The following FAM171A1 variants were observed in gnomAD, a reference collection of about 807,000 sequenced individuals.
The protein encoded by FAM171A1 is family with sequence similarity 171 member A1.
A neutral mutation model predicts 74.9 loss-of-function variants in FAM171A1; 23 were observed. The observed-to-expected ratio is 0.31, with a 90% CI of 0.22 to 0.44. The LOEUF (loss-of-function observed/expected upper bound fraction) is 0.44. Among genes scored for constraint, FAM171A1 ranks in the 20% least tolerant of loss-of-function variants. The pLI is 1.00. For synonymous variants in FAM171A1, 527 were observed against 505.7 expected (o/e 1.04, Z -0.57); for missense variants, 1,162 against 1,159.2 (o/e 1.00, Z -0.03).
chr10:15,256,007 C>T (rs756056611), intron 3 of FAM171A1, among the ~76,000 whole-genome samples: 1 of 152,026 alleles, frequency 6.6e-6, no homozygotes, highest in Non-Finnish European at 1.5e-5. Context: ...CGGTGATATT[C>T]ACCAGACGTA....
At position 15,221,060 on chromosome 10, in the gene FAM171A1, C is replaced by G. The variant is rs1564614113; in HGVS notation, c.755G>C (p.Gly252Ala). The G allele has an allele frequency of 1.2e-6, 2 of 1,613,592 alleles. No homozygotes were observed. The highest frequency in any genetic ancestry group is 1.7e-6 in the Non-Finnish European group (2 of 1,179,686). The change falls in exon 6 of 8, where the codon GGA becomes GCA. Residue 252 changes from glycine (G) to alanine (A), a missense_variant and splice_region_variant. Gly to Ala is a moderately conservative substitution (Grantham distance 60). Transcript: ENST00000378116. ...ACCCAGACCGCTCTTCAGCCACGTT[C>G]CTGTGGAATTGAGAAAGAGATGTTA... ...VAAWRFDQKL[G>A]TWLKSGLGLV...
chr10:15,254,773 A>C lies in FAM171A1; in HGVS notation c.525T>G (p.Pro175=). The C allele has an allele frequency of 1.9e-6, 3 of 1,614,182 alleles. No individual in the cohort carries two copies. The highest frequency in any genetic ancestry group is 2.5e-6 in the Non-Finnish European group (3 of 1,180,018). ...AATAAGGAAAACTGTCCACCTCCGA[A>C]GGGGAGCTGGCGGCCGTGAGAAACG... ...LTAFLTAASS[P]SEVDSFPYLR... is the part of the protein sequence containing the mutation. Residue 175 remains proline (P), a synonymous_variant, in exon 4 of 8, where the codon CCT becomes CCG. Transcript: ENST00000378116.
At chr10:15,317,047 GAA>G (rs749421796) in intron 1 of FAM171A1, among the ~76,000 whole-genome samples, 15 of 127,244 alleles carry the variant, frequency 1.2e-4, no homozygotes, top group African/African-American at 3.8e-4. Flanking sequence ...TCCTCTGGGA[GAA>G]AAAAAAAAAA....
chr10:15,212,752 A>G lies in FAM171A1; in HGVS notation c.*163T>C. 1.0e-6 allele frequency: 1 copy of G among 977,302 alleles called. No homozygotes were observed. The highest frequency in any genetic ancestry group is 1.5e-6 in the Non-Finnish European group (1 of 666,176). The allele number at this position is 977,302 out of a possible 1,614,324, so 60.5% of individuals were successfully genotyped here. A position where few individuals can be genotyped will look rare whatever the true frequency, so the allele number is the denominator to read the frequency against. ...ATCCTTTATTCCGAGTAATAACTTTAATTCCTTTCTAACATTTACACGGCA... is the reference window on the plus strand; with the variant it reads ...ATCCTTTATTCCGAGTAATAACTTTGATTCCTTTCTAACATTTACACGGCA... On this transcript the variant is annotated 3_prime_UTR_variant, in exon 8 of 8. Coordinates refer to ENST00000378116, the MANE Select transcript of FAM171A1 (RefSeq NM_001010924.2).
At chr10:15,291,786 C>G (rs1835104929) in intron 1 of FAM171A1, among the ~76,000 whole-genome samples, 1 of 152,122 alleles carries the variant, frequency 6.6e-6, no homozygotes, top group Non-Finnish European at 1.5e-5. Context: ...GTACGGTGAA[C>G]GTGCTCTGCT....
At chr10:15,311,717 G>C (rs1835361429) in intron 1 of FAM171A1, among the ~76,000 whole-genome samples, 1 of 152,050 alleles carries the variant, frequency 6.6e-6, no homozygotes, top group Admixed American at 6.6e-5. Context: ...TCAAGATAAA[G>C]AAGGCGGCAT....
chr10:15,293,677 T>C (rs1835128752), intron 1 of FAM171A1, among the ~76,000 whole-genome samples: 1 of 151,980 alleles, frequency 6.6e-6, no homozygotes, highest in Non-Finnish European at 1.5e-5. Context: ...CATCAAAAGA[T>C]TTAAGGAAGG....
intron 2 of FAM171A1, among the ~76,000 whole-genome samples, chr10:15,276,789 T>A (rs1451130042): frequency 6.6e-6 from 1 of 152,008 alleles, no homozygotes; most frequent in African/African-American, 2.4e-5. Context: ...GGCTCAAGTA[T>A]CCCTGCTGCC....
chr10:15,302,938 C>T (rs1835249728), intron 1 of FAM171A1, among the ~76,000 whole-genome samples: 2 of 152,172 alleles, frequency 1.3e-5, no homozygotes. Flanking sequence ...CCTATAATCC[C>T]AGCACTTTGG....
At chr10:15,247,838 G>A (rs1411673546) in intron 5 of FAM171A1, among the ~76,000 whole-genome samples, 1 of 152,186 alleles carries the variant, frequency 6.6e-6, no homozygotes, top group Non-Finnish European at 1.5e-5. Flanking sequence ...CGTGTAGTAA[G>A]CAGCTCTATG....
chr10:15,276,868 T>C (rs901385563), intron 2 of FAM171A1, among the ~76,000 whole-genome samples: 4 of 152,064 alleles, frequency 2.6e-5, no homozygotes, highest in African/African-American at 7.2e-5. Flanking sequence ...AAATTTTTTG[T>C]AGAGACAGGG....
At chr10:15,233,519 A>AGG (rs1237113831) in intron 5 of FAM171A1, among the ~76,000 whole-genome samples, 117 of 91,378 alleles carry the variant, frequency 1.3e-3, no homozygotes, top group African/African-American at 3.0e-3. Context: ...GGGTGTATTC[A>AGG]GGGTGTGTGT....
chr10:15,336,649 C>T (rs893845367), intron 1 of FAM171A1, among the ~76,000 whole-genome samples: 3 of 152,148 alleles, frequency 2.0e-5, no homozygotes, highest in Non-Finnish European at 4.4e-5. Context: ...CAAGGAAATA[C>T]TGTACATGCC....
At chr10:15,216,870 C>T (rs1833974030) in intron 6 of FAM171A1, among the ~76,000 whole-genome samples, 1 of 149,942 alleles carries the variant, frequency 6.7e-6, no homozygotes, top group Admixed American at 6.6e-5. Context: ...TTTATTTTCG[C>T]TTTTCCCGGG....
At chr10:15,342,774 G>C (rs1835779296) in intron 1 of FAM171A1, among the ~76,000 whole-genome samples, 1 of 152,184 alleles carries the variant, frequency 6.6e-6, no homozygotes. Flanking sequence ...ATTCAGATTT[G>C]AGACACTCTA....
chr10:15,325,212 C>G (rs1835536921), intron 1 of FAM171A1, among the ~76,000 whole-genome samples: 1 of 152,182 alleles, frequency 6.6e-6, no homozygotes. Flanking sequence ...CTTTTAAGGA[C>G]AGTTGAAGGC....
intron 1 of FAM171A1, among the ~76,000 whole-genome samples, chr10:15,331,995 G>C (rs989050285): frequency 2.6e-5 from 4 of 151,048 alleles, no homozygotes; most frequent in Admixed American, 2.0e-4. Context: ...TGTTACCCAG[G>C]CTGGAGTGCA....
intron 4 of FAM171A1, among the ~76,000 whole-genome samples, chr10:15,251,406 T>A (rs1834506205): frequency 6.6e-6 from 1 of 151,186 alleles, no homozygotes; most frequent in African/African-American, 2.4e-5. Flanking sequence ...GCAACGATTT[T>A]TTTTTTTTTT....
intron 5 of FAM171A1, among the ~76,000 whole-genome samples, chr10:15,242,754 G>C (rs1372407000): frequency 2.0e-5 from 3 of 152,130 alleles, no homozygotes; most frequent in Non-Finnish European, 4.4e-5. Context: ...CTGCACCACT[G>C]CATGCCAGTC....
Sources: allele counts gnomAD v4.1 joint callset (sites outside exome capture counted in the v4.1 genomes callset), GRCh38; gene constraint gnomAD v4.1.1; transcripts MANE v1.5; gene names NCBI Gene and HGNC (gene_info 2026-07-23, HGNC 2026-07-21).